Variants in CCSER1 observed in about 807,000 individuals in gnomAD.
The protein encoded by CCSER1 is serine-rich coiled-coil domain-containing protein 1.
Under a neutral mutation model 82.0 loss-of-function variants are expected in CCSER1, and 41 were observed. That is an observed-to-expected ratio of 0.50 (90% CI 0.39 to 0.65). The LOEUF is 0.65. Among genes scored for constraint, CCSER1 ranks in the 30% least tolerant of loss-of-function variants. The pLI is 0.00. For missense variants in CCSER1, 1,119 were observed against 1,064.2 expected (o/e 1.05, Z -0.72); for synonymous variants, 414 against 383.9 (o/e 1.08, Z -0.92).
chr4:91,063,888 T>C (rs900731651), intron 9 of CCSER1, among the ~76,000 whole-genome samples: 2 of 152,200 alleles, frequency 1.3e-5, no homozygotes, highest in African/African-American at 4.8e-5. Context: ...CATTAAATGA[T>C]TTCCCTAAGG....
intron 5 of CCSER1, among the ~76,000 whole-genome samples, chr4:90,605,040 C>A (rs1383498127): frequency 2.0e-5 from 3 of 152,090 alleles, no homozygotes; most frequent in African/African-American, 7.2e-5. Context: ...TGGCTGTTGG[C>A]AGTAAATGTT....
At chr4:90,693,775 T>A (rs115903399) in intron 6 of CCSER1, among the ~76,000 whole-genome samples, 3,218 of 151,994 alleles carry the variant, frequency 0.021, 126 homozygotes, top group African/African-American at 0.074. Flanking sequence ...TAATTTTTGT[T>A]ATATCTGAAG....
chr4:90,691,620 A>G (rs1227020844), intron 6 of CCSER1, among the ~76,000 whole-genome samples: 1 of 144,776 alleles, frequency 6.9e-6, no homozygotes, highest in East Asian at 2.0e-4. Flanking sequence ...ACATGTATAT[A>G]TGTGTATGTA....
At chr4:90,916,996 A>G (rs1053858432) in intron 8 of CCSER1, among the ~76,000 whole-genome samples, 3 of 152,234 alleles carry the variant, frequency 2.0e-5, no homozygotes, top group Non-Finnish European at 4.4e-5. Context: ...AATGGTGATC[A>G]TTAAAAAGTC....
intron 3 of CCSER1, among the ~76,000 whole-genome samples, chr4:90,329,156 A>T (rs1738805836): frequency 6.6e-6 from 1 of 152,168 alleles, no homozygotes; most frequent in African/African-American, 2.4e-5. Context: ...AAGTAGGAAA[A>T]CTTACAAAAT....
chr4:90,209,793 G>A (rs1159336690), intron 1 of CCSER1, among the ~76,000 whole-genome samples: 5 of 147,708 alleles, frequency 3.4e-5, no homozygotes, highest in East Asian at 3.9e-4. Flanking sequence ...TTAATTTTTC[G>A]GTATAGTACT....
At chr4:90,698,436 G>C (rs1737383237) in intron 6 of CCSER1, among the ~76,000 whole-genome samples, 1 of 152,164 alleles carries the variant, frequency 6.6e-6, no homozygotes, top group Admixed American at 6.5e-5. Context: ...GGAATATGAT[G>C]TTTCAAATCC....
At chr4:91,194,427 A>G (rs1336576424) in intron 10 of CCSER1, among the ~76,000 whole-genome samples, 1 of 152,228 alleles carries the variant, frequency 6.6e-6, no homozygotes, top group Non-Finnish European at 1.5e-5. Flanking sequence ...GATGCCAATA[A>G]GAAGTAAAAA....
chr4:91,183,506 T>C (rs1734239399), intron 10 of CCSER1, among the ~76,000 whole-genome samples: 1 of 152,158 alleles, frequency 6.6e-6, no homozygotes, highest in Non-Finnish European at 1.5e-5. Context: ...CACAAAGCTT[T>C]ATAAAAGCTT....
intron 10 of CCSER1, among the ~76,000 whole-genome samples, chr4:91,392,573 G>A (rs571566968): frequency 4.1e-4 from 63 of 152,140 alleles, no homozygotes; most frequent in African/African-American, 1.4e-3. Flanking sequence ...TAGCAGTGAT[G>A]TTTCTGATAA....
chr4:90,363,776 C>A (rs1310979805), intron 3 of CCSER1, among the ~76,000 whole-genome samples: 2 of 152,004 alleles, frequency 1.3e-5, no homozygotes, highest in African/African-American at 2.4e-5. Context: ...GTATCCATTT[C>A]ATTTTCCCAC....
Position 90,475,469 on chromosome 4 carries a change from G to A in CCSER1, c.1724+7115G>A, listed in dbSNP as rs191254984. ...CTTCCACAGCTTTTGGAGGAAGTTA[G>A]GGATGGGAGGAGAAACTTTCTAACC... On this transcript the variant is annotated intron_variant, in intron 5 of 10. Coordinates refer to ENST00000509176, the MANE Select transcript of CCSER1 (RefSeq NM_001145065.2). Among the ~76,000 whole-genome samples, 68 of 152,284 alleles carry A rather than the reference G, an allele frequency of 4.5e-4. 1 individual carries two copies. The highest frequency in any genetic ancestry group is 4.4e-3 in the Admixed American group (68 of 15,296).
intron 5 of CCSER1, among the ~76,000 whole-genome samples, chr4:90,490,544 A>C (rs891652119): frequency 2.6e-5 from 4 of 152,086 alleles, no homozygotes; most frequent in Non-Finnish European, 4.4e-5. Flanking sequence ...CCATTTGCCA[A>C]TTTTAGCTTT....
At chr4:90,907,492 C>T (rs1423209114) in intron 8 of CCSER1, among the ~76,000 whole-genome samples, 1 of 152,024 alleles carries the variant, frequency 6.6e-6, no homozygotes, top group Non-Finnish European at 1.5e-5. Flanking sequence ...GGATGAATCA[C>T]CTCATTAATT....
chr4:91,363,386 TGTGTGA>T (rs1288694000), intron 10 of CCSER1, among the ~76,000 whole-genome samples: 2,417 of 142,774 alleles, frequency 0.017, 81 homozygotes, highest in African/African-American at 0.064. Context: ...TGTGTGTGTG[TGTGTGA>T]GACAAAAATA....
rs1303370007 is a variant in CCSER1 at position 91,011,341 on chromosome 4, TCTCTTGG to T, written c.2173-74608_2173-74602del. On this transcript the variant is annotated intron_variant, in intron 9 of 10. Coordinates refer to ENST00000509176, the MANE Select transcript of CCSER1 (RefSeq NM_001145065.2). ...ATAGGGATACTTAGCTTAGGGGACC[TCTCTTGG>T]TGCTGGATCTGACATGGCATGCAAG... Among the ~76,000 whole-genome samples the T allele has an allele frequency of 4.5e-5, 6 of 134,010 alleles. 2 individuals carry two copies. The highest frequency in any genetic ancestry group is 1.0e-4 in the Non-Finnish European group (6 of 57,704). The allele number at this position is 134,010 out of a possible 152,430, so 87.9% of individuals were successfully genotyped here.
intron 10 of CCSER1, among the ~76,000 whole-genome samples, chr4:91,256,979 A>G (rs1740741385): frequency 6.6e-6 from 1 of 152,166 alleles, no homozygotes. Flanking sequence ...ACATACTCCT[A>G]AAAGCCTAGA....
intron 10 of CCSER1, among the ~76,000 whole-genome samples, chr4:91,119,257 A>G (rs569996011): frequency 3.3e-5 from 5 of 152,246 alleles, no homozygotes; most frequent in Non-Finnish European, 5.9e-5. Flanking sequence ...TATTCTTTCA[A>G]TCTTCTTTTA....
At chr4:91,175,645 C>A (rs975426156) in intron 10 of CCSER1, among the ~76,000 whole-genome samples, 8 of 152,258 alleles carry the variant, frequency 5.3e-5, no homozygotes, top group African/African-American at 1.7e-4. Flanking sequence ...CTGTTCATAT[C>A]CTTTGCCTGC....
Sources: allele counts gnomAD v4.1 joint callset (sites outside exome capture counted in the v4.1 genomes callset), GRCh38; gene constraint gnomAD v4.1.1; transcripts MANE v1.5; gene names NCBI Gene and HGNC (gene_info 2026-07-23, HGNC 2026-07-21).